LMX1A: variants seen among roughly 807,000 people sequenced by gnomAD.
The protein encoded by LMX1A is LIM homeobox transcription factor 1-alpha.
Under a neutral mutation model 49.1 loss-of-function variants are expected in LMX1A, and 15 were observed. The observed-to-expected ratio is 0.31, with a 90% confidence interval of 0.20 to 0.47. The LOEUF (loss-of-function observed/expected upper bound fraction) is 0.47, where lower values mean the gene tolerates loss of function less well. Ranked by LOEUF, LMX1A falls within the 20% of genes least tolerant of loss-of-function variation. LMX1A has a pLI of 1.00. For synonymous variants in LMX1A, 167 were observed against 185.7 expected, an observed-to-expected ratio of 0.90 and a Z score of 0.82; for missense variants, 372 against 475.8, an observed-to-expected ratio of 0.78 and a Z score of 2.03.
At chr1:165,351,525 T>C (rs1275168314) in intron 3 of LMX1A, among the ~76,000 whole-genome samples, 3 of 152,224 alleles carry the variant, frequency 2.0e-5, no homozygotes, top group Non-Finnish European at 4.4e-5. Flanking sequence ...GATCACTTCA[T>C]AGGTTGTCAT....
At chr1:165,281,592 C>T (rs909464723) in intron 3 of LMX1A, among the ~76,000 whole-genome samples, 1 of 152,116 alleles carries the variant, frequency 6.6e-6, no homozygotes, top group African/African-American at 2.4e-5. Context: ...TTCAGGCTGA[C>T]CACAGGCAGA....
chr1:165,264,162 G>A (rs1653541968), intron 3 of LMX1A, among the ~76,000 whole-genome samples: 2 of 151,906 alleles, frequency 1.3e-5, no homozygotes, highest in South Asian at 4.2e-4. Flanking sequence ...AAAAACAGGA[G>A]GAATGGTGGA....
At chr1:165,236,742 C>G (rs1472325295) in intron 4 of LMX1A, among the ~76,000 whole-genome samples, 2 of 149,178 alleles carry the variant, frequency 1.3e-5, no homozygotes, top group Non-Finnish European at 3.0e-5. Flanking sequence ...CAATGGCTCT[C>G]AAGCCTGCTG....
chr1:165,305,538 T>G (rs1654897119), intron 3 of LMX1A, among the ~76,000 whole-genome samples: 1 of 152,154 alleles, frequency 6.6e-6, no homozygotes, highest in African/African-American at 2.4e-5. Flanking sequence ...GAAGAGGGGC[T>G]AAGTATCATG....
intron 3 of LMX1A, among the ~76,000 whole-genome samples, chr1:165,266,880 C>T (rs1183765664): frequency 6.6e-6 from 1 of 152,060 alleles, no homozygotes; most frequent in Non-Finnish European, 1.5e-5. Context: ...GGATTACAGG[C>T]GTGAGCCACT....
intron 5 of LMX1A, among the ~76,000 whole-genome samples, chr1:165,212,611 T>C (rs6426904): frequency 0.014 from 2,108 of 152,254 alleles, 41 homozygotes; most frequent in African/African-American, 0.048. Context: ...CTTTATGAAT[T>C]TCAGTAAAGA....
chr1:165,246,604 C>T (rs1652856493), intron 4 of LMX1A, among the ~76,000 whole-genome samples: 1 of 152,156 alleles, frequency 6.6e-6, no homozygotes, highest in African/African-American at 2.4e-5. Flanking sequence ...ACCTTTCTAT[C>T]TAAAGTGTAA....
chr1:165,272,645 G>C (rs1479513427), intron 3 of LMX1A, among the ~76,000 whole-genome samples: 1 of 152,208 alleles, frequency 6.6e-6, no homozygotes, highest in African/African-American at 2.4e-5. Context: ...GAAGGAAGAG[G>C]ATGAACTGAA....
chr1:165,281,943 A>G (rs938302773), intron 3 of LMX1A, among the ~76,000 whole-genome samples: 1 of 152,094 alleles, frequency 6.6e-6, no homozygotes, highest in Non-Finnish European at 1.5e-5. Flanking sequence ...TCTCACTTAG[A>G]TCTCTTGTGA....
chr1:165,355,922 G>A lies in LMX1A; in HGVS notation c.-22-341C>T, dbSNP rs1656594750. The A allele has an allele frequency of 2.5e-5, 7 of 275,158 alleles. No individual in the cohort carries two copies. In the East Asian group the frequency reaches 5.2e-4, roughly 21 times the overall value. The allele number at this position is 275,158 out of a possible 1,614,324, so 17.0% of individuals were successfully genotyped here. A position where few individuals can be genotyped will look rare whatever the true frequency, so the allele number is the denominator to read the frequency against. ...TCCGCCCCAACCTATACGAAGGTGG[G>A]CCCTCGGGACGTCTCTGCAGGAACG... On this transcript the variant is annotated intron_variant, in intron 1 of 8. Coordinates refer to ENST00000342310, the MANE Select transcript of LMX1A (RefSeq NM_177398.4). This position sits in a 1 kb window ranked among gnomAD's most constrained non-coding sequence, Gnocchi z 4.7.
At chr1:165,215,270 CGCCACTGTACTCCA>C (rs1030804770) in intron 4 of LMX1A, among the ~76,000 whole-genome samples, 1 of 152,150 alleles carries the variant, frequency 6.6e-6, no homozygotes, top group African/African-American at 2.4e-5. Context: ...GCCGAGATCA[CGCCACTGTACTCCA>C]GCTTGGGTGA....
intron 5 of LMX1A, among the ~76,000 whole-genome samples, chr1:165,212,022 C>T (rs1651421067): frequency 6.6e-6 from 1 of 152,198 alleles, no homozygotes; most frequent in Non-Finnish European, 1.5e-5. Context: ...GTGAGGAAGA[C>T]TGTAATTTGT....
chr1:165,243,969 G>A (rs1173729088), intron 4 of LMX1A, among the ~76,000 whole-genome samples: 1 of 152,206 alleles, frequency 6.6e-6, no homozygotes, highest in Non-Finnish European at 1.5e-5. Flanking sequence ...GGCATGATTG[G>A]AAGGTTGGGA....
At chr1:165,294,775 C>T (rs1362698900) in intron 3 of LMX1A, among the ~76,000 whole-genome samples, 1 of 152,134 alleles carries the variant, frequency 6.6e-6, no homozygotes, top group East Asian at 1.9e-4. Context: ...AACAGCCTGG[C>T]AAACATGGTG....
chr1:165,319,000 CA>C, intron 3 of LMX1A, among the ~76,000 whole-genome samples: 1 of 30,194 alleles, frequency 3.3e-5, no homozygotes, highest in Non-Finnish European at 6.7e-5. Context: ...CTCTCTCTCT[CA>C]CACACACACA....
chr1:165,311,794 TG>T (rs1445264930), intron 3 of LMX1A, among the ~76,000 whole-genome samples: 1 of 152,176 alleles, frequency 6.6e-6, no homozygotes, highest in African/African-American at 2.4e-5. Flanking sequence ...TGAAGGATGA[TG>T]GGGCAAATTT....
chr1:165,351,846 T>A (rs1656440140), intron 3 of LMX1A, among the ~76,000 whole-genome samples: 2 of 152,246 alleles, frequency 1.3e-5, no homozygotes, highest in African/African-American at 4.8e-5. Context: ...TACAGAGACT[T>A]CTCCCGTTCA....
intron 3 of LMX1A, among the ~76,000 whole-genome samples, chr1:165,284,623 G>T (rs909363910): frequency 2.6e-5 from 4 of 152,242 alleles, no homozygotes; most frequent in African/African-American, 9.6e-5. Context: ...AGCGAGCAGT[G>T]ATTAGAATAT....
At chr1:165,294,096 C>G (rs770899566) in intron 3 of LMX1A, among the ~76,000 whole-genome samples, 1 of 152,216 alleles carries the variant, frequency 6.6e-6, no homozygotes, top group East Asian at 1.9e-4. Flanking sequence ...TGCAAGGTAA[C>G]ACAGCTGATC....
Sources: gnomAD v4.1 joint callset for allele counts (sites outside exome capture counted in the v4.1 genomes callset) on GRCh38, gnomAD v4.1.1 for gene constraint, Gnocchi (gnomAD v3.1) non-coding constraint, MANE v1.5 for transcripts, NCBI Gene and HGNC (gene_info 2026-07-23, HGNC 2026-07-21) for gene names.